C16orf96: variants seen among roughly 807,000 people sequenced by gnomAD.
C16orf96 encodes uncharacterized protein C16orf96.
C16orf96 carries 108 observed loss-of-function variants against 103.6 expected under a neutral mutation model. That is an observed-to-expected ratio of 1.04 (90% CI 0.89 to 1.22). C16orf96 has a LOEUF of 1.22. Among genes scored for constraint, C16orf96 ranks in the 50% most tolerant of loss-of-function variants. The pLI is 0.00. For synonymous variants in C16orf96, 566 were observed against 593.5 expected, an observed-to-expected ratio of 0.95 and a Z score of 0.67; for missense variants, 1,586 against 1,464.2, an observed-to-expected ratio of 1.08 and a Z score of -1.36.
At chr16:4,594,889 A>G (rs1226343680) in intron 14 of C16orf96, 86 bp downstream of exon 14, 41 of 1,377,020 alleles carry the variant, frequency 3.0e-5, no homozygotes, top group Non-Finnish European at 3.9e-5. Flanking sequence ...TGGGGCCCAG[A>G]GCCAGCACTA....
At chr16:4,587,391 G>A (rs551018343) in intron 8 of C16orf96, among the ~76,000 whole-genome samples, 23 of 152,246 alleles carry the variant, frequency 1.5e-4, no homozygotes, top group African/African-American at 5.5e-4. Flanking sequence ...AGCCAGGCGT[G>A]GTGGCAGGTA....
intron 14 of C16orf96, among the ~76,000 whole-genome samples, chr16:4,595,064 G>A (rs754093027): frequency 1.3e-5 from 2 of 152,224 alleles, no homozygotes; most frequent in African/African-American, 2.4e-5. Flanking sequence ...ACAGGACCAT[G>A]GCCTGTGACG....
At chr16:4,574,197 C>T (rs1052362082) in intron 2 of C16orf96, among the ~76,000 whole-genome samples, 2 of 151,282 alleles carry the variant, frequency 1.3e-5, no homozygotes, top group African/African-American at 4.9e-5. Context: ...CGTACAGAAA[C>T]CTGTTGAAAT....
intron 13 of C16orf96, 54 bp downstream of exon 13, chr16:4,594,564 C>T: frequency 6.5e-7 from 1 of 1,543,522 alleles, no homozygotes; most frequent in South Asian, 1.2e-5. Context: ...GCACCCCAGC[C>T]CCAGGTGTGG....
At chr16:4,542,426 T>G in the C16orf96 span, among the ~76,000 whole-genome samples, 1 of 152,104 alleles carries the variant, frequency 6.6e-6, no homozygotes, top group African/African-American at 2.4e-5. Context: ...ATTAAAAGTA[T>G]AAAAAGACAC....
intron 6 of C16orf96, among the ~76,000 whole-genome samples, chr16:4,579,368 C>A (rs530189192): frequency 1.7e-4 from 26 of 152,102 alleles, no homozygotes; most frequent in Middle Eastern, 6.8e-3. Flanking sequence ...GCCTGGGCAA[C>A]ATAGTGAGAT....
chr16:4,565,094 A>T (rs1043184287), intron 1 of C16orf96, among the ~76,000 whole-genome samples: 2 of 152,116 alleles, frequency 1.3e-5, no homozygotes, highest in African/African-American at 4.8e-5. Context: ...TGTTTGCCTT[A>T]GCCCCTTTTT....
At chr16:4,574,054 C>T (rs891185085) in intron 2 of C16orf96, among the ~76,000 whole-genome samples, 4 of 151,874 alleles carry the variant, frequency 2.6e-5, no homozygotes, top group African/African-American at 4.8e-5. Flanking sequence ...AGGCTGGTCC[C>T]GAACTCCTGA....
At chr16:4,546,976 G>A in the C16orf96 span, among the ~76,000 whole-genome samples, 1 of 116,492 alleles carries the variant, frequency 8.6e-6, no homozygotes, top group Non-Finnish European at 1.8e-5. Flanking sequence ...TTTTTGTGGA[G>A]AATAGGGTCT....
At position 4,567,361 on chromosome 16, in the gene C16orf96, G is replaced by A. The variant is rs1257791423; in HGVS notation, c.421-4200G>A. On this transcript the variant is annotated intron_variant, in intron 1 of 15. Transcript: ENST00000444310. ...TGCAATGGCGCGATCTTGGCTCACT[G>A]CAAGCTCAGACTCCTGGGTTCACGC... is the stretch of plus-strand genomic sequence containing the variant. Among the ~76,000 whole-genome samples the A allele has an allele frequency of 1.7e-4, 23 of 136,112 alleles. 1 individual carries two copies. Among genetic ancestry groups the A allele is most frequent in the South Asian group, 9.4e-4 (4 of 4,262 alleles). 89.3% of individuals were successfully genotyped at this position (136,112 alleles called of 152,430 possible).
intron 14 of C16orf96, 22 bp from the exon 15 acceptor site, chr16:4,599,262 G>A: frequency 6.5e-7 from 1 of 1,549,796 alleles, no homozygotes; most frequent in Non-Finnish European, 8.7e-7. Context: ...ACCCACACCT[G>A]TCTCTTTTCT....
At chr16:4,538,842 T>G in the C16orf96 span, 1 of 152,098 alleles carries the variant, frequency 6.6e-6, no homozygotes, top group Non-Finnish European at 1.5e-5. Flanking sequence ...GGGTGGGGTC[T>G]CGGGAGGCAC....
the C16orf96 span, among the ~76,000 whole-genome samples, chr16:4,539,965 A>T: frequency 6.6e-6 from 1 of 152,132 alleles, no homozygotes; most frequent in Non-Finnish European, 1.5e-5. Context: ...TATCTACCAA[A>T]TTACCCTTTA....
chr16:4,545,133 C>T, the C16orf96 span, among the ~76,000 whole-genome samples: 6 of 152,146 alleles, frequency 3.9e-5, no homozygotes, highest in African/African-American at 9.7e-5. Flanking sequence ...AATGACCAGA[C>T]GTTAGTTGGG....
chr16:4,592,868 A>G (rs1483429573), intron 11 of C16orf96, among the ~76,000 whole-genome samples: 1 of 152,182 alleles, frequency 6.6e-6, no homozygotes, highest in Non-Finnish European at 1.5e-5. Flanking sequence ...TATCAAAAAA[A>G]AAGGCCATGT....
At chr16:4,579,109 C>A in intron 6 of C16orf96, 84 bp downstream of exon 6, 1 of 1,238,348 alleles carries the variant, frequency 8.1e-7, no homozygotes, top group Non-Finnish European at 1.2e-6. Flanking sequence ...GCCCCCCTCC[C>A]AGGTGCAGCT....
At chr16:4,551,879 T>C (rs973720381), upstream of C16orf96, among the ~76,000 whole-genome samples, 1 of 152,076 alleles carries the variant, frequency 6.6e-6, no homozygotes, top group African/African-American at 2.4e-5. Flanking sequence ...CTGCCTGCAT[T>C]TGGTATTTGT....
chr16:4,543,434 G>A, the C16orf96 span, among the ~76,000 whole-genome samples: 2 of 152,112 alleles, frequency 1.3e-5, no homozygotes, highest in Admixed American at 6.6e-5. Flanking sequence ...GTGATGTAAT[G>A]TTGAGAATTT....
upstream of C16orf96, among the ~76,000 whole-genome samples, chr16:4,556,279 G>A (rs550842993): frequency 2.6e-5 from 4 of 152,162 alleles, no homozygotes; most frequent in East Asian, 1.9e-4. Context: ...TTTGAATTGC[G>A]CCCGTTTCAT....
Sources: allele counts gnomAD v4.1 joint callset (sites outside exome capture counted in the v4.1 genomes callset), GRCh38; gene constraint gnomAD v4.1.1; transcripts MANE v1.5; gene names NCBI Gene and HGNC (gene_info 2026-07-23, HGNC 2026-07-21).